Variants in ZBTB45 observed in about 807,000 individuals in gnomAD.
ZBTB45 encodes the protein zinc finger and BTB domain-containing protein 45.
A neutral mutation model predicts 28.4 loss-of-function variants in ZBTB45; 22 were observed. The observed-to-expected ratio is 0.77, with a 90% confidence interval of 0.55 to 1.10. The LOEUF (loss-of-function observed/expected upper bound fraction) is 1.10. ZBTB45 is among the 50% of genes least tolerant of loss of function. The probability of loss-of-function intolerance (pLI) is 0.00; values close to 1 mark genes in which losing one functional copy is unlikely to be tolerated. For synonymous variants in ZBTB45, 361 were observed against 332.3 expected, an observed-to-expected ratio of 1.09 and a Z score of -0.94; for missense variants, 656 against 750.2, an observed-to-expected ratio of 0.87 and a Z score of 1.47.
Position 58,516,516 on chromosome 19 carries a change from C to A in ZBTB45, c.1158G>T (p.Thr386=), listed in dbSNP as rs199720690. ...TGCGAGCAGGGGTGCCTGAGGGGGC[C>A]GTGGTGGGAGCAGCAGAGGGAGCCG... ...EVPAPSAAPT[T]APSGTPARTP... The change falls in exon 2 of 3, where the codon ACG becomes ACT. Residue 386 remains threonine (T), a synonymous_variant. Transcript: ENST00000594051. The surrounding 1 kb of genome is among the most constrained non-coding windows in gnomAD (Gnocchi z 6.2). 6.2e-7 allele frequency: 1 copy of A among 1,612,928 alleles called. No individual in the cohort carries two copies. Among genetic ancestry groups the A allele is most frequent in the East Asian group, 2.2e-5 (1 of 44,852 alleles).
intron 1 of ZBTB45, among the ~76,000 whole-genome samples, chr19:58,532,081 G>C (rs1250576704): frequency 6.6e-6 from 1 of 152,060 alleles, no homozygotes; most frequent in Non-Finnish European, 1.5e-5. Flanking sequence ...GCAGCAAACA[G>C]AAGGGGCGAG....
chr19:58,516,651 T>A lies in ZBTB45; in HGVS notation c.1023A>T (p.Pro341=). The stretch of plus-strand genomic sequence containing the variant: ...ATGGTGCTGAAGGGGGTGGTGCGGG[T>A]GGCCCAGGGGCACCCAAGTGAAAGG... The part of the protein sequence containing the change: ...LFPFHLGAPG[P]PAPPPSAPSG... The change falls in exon 2 of 3, where the codon CCA becomes CCT. Residue 341 remains proline (P), a synonymous_variant. Transcript: ENST00000594051. The surrounding 1 kb of genome is among the most constrained non-coding windows in gnomAD (Gnocchi z 6.2). 2 of 1,560,008 alleles carry A rather than the reference T, an allele frequency of 1.3e-6. No individual in the cohort carries two copies. Among genetic ancestry groups the A allele is most frequent in the Non-Finnish European group, 8.7e-7 (1 of 1,152,832 alleles).
chr19:58,514,094 G>A lies in ZBTB45; in HGVS notation c.1496C>T (p.Ala499Val), dbSNP rs2053453673. 2.5e-6 allele frequency: 4 copies of A among 1,578,374 alleles called. No individual in the cohort carries two copies. Among genetic ancestry groups the A allele is most frequent in the Non-Finnish European group, 3.4e-6 (4 of 1,164,286 alleles). The change falls in exon 3 of 3, where the codon GCG (alanine) becomes GTG (valine). Residue 499 changes from alanine to valine, a missense_variant. Physicochemically the swap from Ala to Val is moderately conservative, Grantham distance 64. This residue lies in a region of ZBTB45 where 103 missense variants were observed against 153.5 expected (regional missense o/e 0.67). Transcript: ENST00000594051. ...CGCCGCCAGGTGGCGCTCCAGCAGC[G>A]CGCGGTGCGAGAAGACCTTGCCGCA... is the stretch of plus-strand genomic sequence containing the variant. ...PACGKVFSHR[A>V]LLERHLAAHP... is the part of the protein sequence containing the mutation.
chr19:58,521,066 AAAAAAAAAAAAAAAAAG>A (rs1312483557), upstream of ZBTB45, among the ~76,000 whole-genome samples: 11 of 137,942 alleles, frequency 8.0e-5, no homozygotes, highest in African/African-American at 3.0e-4. Flanking sequence ...AAAAAAAAAA[AAAAAAAAAAAAAAAAAG>A]GCCGGGCGCG....
chr19:58,529,486 C>T (rs753133687), intron 1 of ZBTB45, among the ~76,000 whole-genome samples: 1 of 152,278 alleles, frequency 6.6e-6, no homozygotes, highest in South Asian at 2.1e-4. Flanking sequence ...CAATGGTGTA[C>T]AACCACCTCC....
intron 1 of ZBTB45, among the ~76,000 whole-genome samples, chr19:58,533,518 G>T (rs770523907): frequency 2.0e-4 from 31 of 152,146 alleles, no homozygotes; most frequent in Non-Finnish European, 3.4e-4. Flanking sequence ...AGCAAGGAAG[G>T]ATCCTCTCCT....
intron 1 of ZBTB45, among the ~76,000 whole-genome samples, chr19:58,517,945 G>A (rs1272744915): frequency 6.6e-6 from 1 of 151,674 alleles, no homozygotes; most frequent in Non-Finnish European, 1.5e-5. Context: ...AGGAGAGGGT[G>A]TTGGCCTCAA....
intron 1 of ZBTB45, among the ~76,000 whole-genome samples, chr19:58,530,209 G>GCACACACACACACACACA (rs111340524): frequency 2.0e-5 from 3 of 148,508 alleles, no homozygotes; most frequent in Non-Finnish European, 3.0e-5. Flanking sequence ...GAGAGCGCAT[G>GCACACACACACACACACA]CACACACACA....
In ZBTB45 at chr19:58,517,507, G is replaced by C. The variant is rs759855226; in HGVS notation, c.167C>G (p.Pro56Arg). ...AHRCVLAAGSPFFQDKLLLGH... is the reference protein window; with the variant it reads ...AHRCVLAAGSRFFQDKLLLGH... ...GAGCAGCAGCTTGTCTTGGAAGAAG[G>C]GTGAGCCGGCCGCCAGCACGCAGCG... Residue 56 changes from proline to arginine, a missense_variant, in exon 2 of 3, where the codon CCC becomes CGC. By Grantham distance (103) the Pro-to-Arg change is moderately radical. Transcript: ENST00000594051. The C allele has an allele frequency of 2.5e-6, 4 of 1,613,340 alleles. No homozygotes were observed. The highest frequency in any genetic ancestry group is 3.4e-6 in the Non-Finnish European group (4 of 1,179,966).
At chr19:58,518,977 T>C (rs2053550858) in intron 1 of ZBTB45, 1 of 152,506 alleles carries the variant, frequency 6.6e-6, no homozygotes. Context: ...CGCCTCCCTT[T>C]TTTGCATGCC....
upstream of ZBTB45, among the ~76,000 whole-genome samples, chr19:58,524,297 G>A (rs577429538): frequency 6.6e-5 from 10 of 151,534 alleles, 1 homozygote; most frequent in South Asian, 1.0e-3. Context: ...CCCGGGAGGC[G>A]GTTGTTGCAG....
chr19:58,536,231 C>T (rs193295073), intron 1 of ZBTB45, among the ~76,000 whole-genome samples: 7 of 151,864 alleles, frequency 4.6e-5, no homozygotes, highest in East Asian at 3.9e-4. Flanking sequence ...TTTGGGAGGC[C>T]GAGATGGGTG....
rs757601950 is a variant in ZBTB45 at position 58,516,605 on chromosome 19, G to A, written c.1069C>T (p.Pro357Ser). Residue 357 changes from proline to serine, a missense_variant, in exon 2 of 3, where the codon CCA (proline) becomes TCA (serine). By Grantham distance (74) the Pro-to-Ser change is moderately conservative. Coordinates refer to ENST00000594051, the MANE Select transcript of ZBTB45 (RefSeq NM_001316979.2). The surrounding 1 kb of genome is among the most constrained non-coding windows in gnomAD (Gnocchi z 6.2). ...TGGAGTGTGGGGTAGAAGGCGGGTGGGGGCGCAGGGGCTGGCCCCGATGGT... is the reference window on the plus strand; with the variant it reads ...TGGAGTGTGGGGTAGAAGGCGGGTGAGGGCGCAGGGGCTGGCCCCGATGGT... Reference protein sequence around the residue: ...SAPSGPAPAPPPAFYPTLQPE... With the variant: ...SAPSGPAPAPSPAFYPTLQPE... 9 of 1,560,574 alleles carry A rather than the reference G, an allele frequency of 5.8e-6. No individual in the cohort carries two copies. The highest frequency in any genetic ancestry group is 6.9e-6 in the Non-Finnish European group (8 of 1,153,990).
chr19:58,533,950 T>C (rs1415424414), intron 1 of ZBTB45, among the ~76,000 whole-genome samples: 3 of 152,204 alleles, frequency 2.0e-5, no homozygotes, highest in Admixed American at 1.3e-4. Flanking sequence ...AGGTCATATA[T>C]GGCCATACAA....
In ZBTB45 at chr19:58,514,124, G is replaced by C; in HGVS notation, c.1466C>G (p.Pro489Arg). The change falls in exon 3 of 3, where the codon CCC (proline) becomes CGC (arginine). Residue 489 changes from proline to arginine, a missense_variant. Around this residue, in one of 3 missense-constraint regions of ZBTB45, gnomAD observed 103 missense variants for 153.5 expected, o/e 0.67. Transcript: ENST00000594051. ...RTHRPERAPC[P>R]ACGKVFSHRA... is the part of the protein sequence containing the mutation. ...GTGCGAGAAGACCTTGCCGCAGGCG[G>C]GGCAGGGCGCGCGCTCGGGCCGGTG... The C allele has an allele frequency of 6.2e-7, 1 of 1,600,192 alleles. No individual in the cohort carries two copies. The highest frequency in any genetic ancestry group is 1.1e-5 in the South Asian group (1 of 90,476).
At position 58,516,682 on chromosome 19, in the gene ZBTB45, A is replaced by T. The variant is rs754067520; in HGVS notation, c.992T>A (p.Leu331His). 3 of 1,572,262 alleles carry T rather than the reference A, an allele frequency of 1.9e-6. No homozygotes were observed. Among genetic ancestry groups the T allele is most frequent in the Non-Finnish European group, 2.6e-6 (3 of 1,157,746 alleles). ...AGGGGCACCCAAGTGAAAGGGGAAG[A>T]GTGCAACGGGCGGCCCTGGGGTCTT... Reference protein sequence around the residue: ...GVKTPGPPVALFPFHLGAPGP... With the variant: ...GVKTPGPPVAHFPFHLGAPGP... Residue 331 changes from leucine to histidine, a missense_variant, in exon 2 of 3, where the codon CTC becomes CAC. Leu to His is a moderately conservative substitution (Grantham distance 99, BLOSUM62 -3). Transcript: ENST00000594051. The surrounding 1 kb of genome is among the most constrained non-coding windows in gnomAD (Gnocchi z 6.2).
At chr19:58,522,037 T>C (rs2053581581), upstream of ZBTB45, among the ~76,000 whole-genome samples, 1 of 151,854 alleles carries the variant, frequency 6.6e-6, no homozygotes, top group African/African-American at 2.4e-5. Flanking sequence ...AAAACACAAG[T>C]CTAGGCTGGG....
At position 58,515,189 on chromosome 19, in the gene ZBTB45, G is replaced by A. The variant is rs1187133296; in HGVS notation, c.1280-879C>T. ...AAAATAGCCGGGTGTGGTGGTGCACGCCTGTAATCCCAGCTACTTGGGAGA... is the reference window on the plus strand; with the variant it reads ...AAAATAGCCGGGTGTGGTGGTGCACACCTGTAATCCCAGCTACTTGGGAGA... On this transcript the variant is annotated intron_variant, in intron 2 of 2. Transcript: ENST00000594051. The surrounding 1 kb of genome is among the most constrained non-coding windows in gnomAD (Gnocchi z 4.7). 6.6e-6 allele frequency among the ~76,000 whole-genome samples: 1 copy of A among 151,900 alleles called. No homozygotes were observed. The highest frequency in any genetic ancestry group is 1.5e-5 in the Non-Finnish European group (1 of 67,946).
At chr19:58,532,466 T>C (rs984133852) in intron 1 of ZBTB45, among the ~76,000 whole-genome samples, 1 of 152,146 alleles carries the variant, frequency 6.6e-6, no homozygotes, top group East Asian at 1.9e-4. Flanking sequence ...AAAATCAAGG[T>C]GCAGGCAAAG....
Sources: gnomAD v4.1 joint callset for allele counts (sites outside exome capture counted in the v4.1 genomes callset) on GRCh38, gnomAD v4.1.1 for gene constraint, gnomAD v4.1.1 regional missense constraint, Gnocchi (gnomAD v3.1) non-coding constraint, MANE v1.5 for transcripts, NCBI Gene and HGNC (gene_info 2026-07-23, HGNC 2026-07-21) for gene names.